The following IPO8 variants were observed in gnomAD, a reference collection of about 807,000 sequenced individuals.
IPO8 encodes importin-8.
In IPO8, 65 loss-of-function variants were observed where a neutral mutation model predicts 141.2. The ratio of observed to expected loss-of-function variants is 0.46; its 90% CI spans 0.38 to 0.57. The LOEUF (loss-of-function observed/expected upper bound fraction) is 0.57, where lower values mean the gene tolerates loss of function less well. Ranked by LOEUF, IPO8 falls within the 20% of genes least tolerant of loss-of-function variation. The pLI is 0.00. For synonymous variants in IPO8, 411 were observed against 420.3 expected (o/e 0.98, Z 0.27); for missense variants, 980 against 1,246.8 (o/e 0.79, Z 3.22).
intron 21 of IPO8, 132 bp from the exon 22 acceptor site, chr12:30,637,319 CCT>C: frequency 1.4e-6 from 1 of 698,078 alleles, no homozygotes; most frequent in Admixed American, 2.6e-5. Context: ...AGAGACATTC[CCT>C]GTTTTGTACT....
chr12:30,677,398 T>C (rs2136166653), intron 5 of IPO8, among the ~76,000 whole-genome samples: 1 of 152,334 alleles, frequency 6.6e-6, no homozygotes, highest in East Asian at 1.9e-4. Context: ...AGTATAGCAA[T>C]TTTATACAGT....
At chr12:30,669,901 T>TTTTA (rs2136157843) in intron 9 of IPO8, among the ~76,000 whole-genome samples, 1 of 152,326 alleles carries the variant, frequency 6.6e-6, no homozygotes, top group African/African-American at 2.4e-5. Context: ...TATTAAGCCC[T>TTTTA]TTTAGGCTCT....
Position 30,659,859 on chromosome 12 carries a change from C to CAA in IPO8, c.1881+1280_1881+1281dup, listed in dbSNP as rs71049460. On this transcript the variant is annotated intron_variant, in intron 16 of 24. Transcript: ENST00000256079. ...GACTGAGTGAGATTCTGTCTCAAAA[C>CAA]AAAAAAAAAAAAAACCCACAAAATC... is the stretch of plus-strand genomic sequence containing the variant. 6.5e-3 allele frequency among the ~76,000 whole-genome samples: 612 copies of CAA among 93,988 alleles called. 6 individuals are homozygous for CAA. The highest frequency in any genetic ancestry group is 0.021 in the African/African-American group (476 of 22,524). 61.7% of individuals were successfully genotyped at this position (93,988 alleles called of 152,430 possible). A position where few individuals can be genotyped will look rare whatever the true frequency, so the allele number is the denominator to read the frequency against.
intron 16 of IPO8, among the ~76,000 whole-genome samples, 185 bp downstream of exon 16, chr12:30,660,952 TATGA>T (rs2052877497): frequency 1.1e-4 from 4 of 37,532 alleles, no homozygotes; most frequent in Non-Finnish European, 2.3e-4. Flanking sequence ...TTACAAATAT[TATGA>T]TGTAATATTA....
At chr12:30,680,726 T>G in intron 4 of IPO8, 88 bp from the exon 5 acceptor site, 2 of 1,062,722 alleles carry the variant, frequency 1.9e-6, no homozygotes, top group East Asian at 2.7e-5. Context: ...TTTAAATACA[T>G]AAAACTAACA....
intron 10 of IPO8, among the ~76,000 whole-genome samples, 191 bp downstream of exon 10, chr12:30,668,992 C>G (rs1165995884): frequency 6.6e-6 from 1 of 152,210 alleles, no homozygotes; most frequent in Non-Finnish European, 1.5e-5. Flanking sequence ...GGCTTTTCAT[C>G]TCCCACATCC....
chr12:30,684,346 C>T lies in IPO8; in HGVS notation c.278G>A (p.Arg93His). 3.7e-6 allele frequency: 6 copies of T among 1,614,106 alleles called. No homozygotes were observed. The highest frequency in any genetic ancestry group is 5.1e-6 in the Non-Finnish European group (6 of 1,179,992). The change falls in exon 3 of 25, where the codon CGT (arginine) becomes CAT (histidine). Residue 93 changes from arginine to histidine, a missense_variant. Coordinates refer to ENST00000256079, the MANE Select transcript of IPO8 (RefSeq NM_006390.4). The part of the protein sequence containing the change: ...NIHENDRQQI[R>H]DNIVEGIIRS... ...AATTATTCCTTCCACAATGTTATCA[C>T]GTATTTGCTGGCGATCGTTTTCGTG...
intron 16 of IPO8, among the ~76,000 whole-genome samples, chr12:30,660,431 T>C (rs888661040): frequency 4.6e-5 from 7 of 152,170 alleles, no homozygotes; most frequent in Admixed American, 3.9e-4. Flanking sequence ...ATTATCAAAA[T>C]GATGTGACTA....
intron 21 of IPO8, among the ~76,000 whole-genome samples, chr12:30,637,578 A>G (rs567453331): frequency 2.2e-4 from 34 of 152,340 alleles, no homozygotes; most frequent in East Asian, 7.7e-4. Context: ...AGATTGATCT[A>G]CAAGGTTTCT....
At chr12:30,637,564 CA>C (rs2052519979) in intron 21 of IPO8, among the ~76,000 whole-genome samples, 1 of 152,140 alleles carries the variant, frequency 6.6e-6, no homozygotes, top group Non-Finnish European at 1.5e-5. Context: ...ACTCTTCCAA[CA>C]TTAGATTGAT....
intron 15 of IPO8, among the ~76,000 whole-genome samples, chr12:30,662,067 C>T (rs1344489102): frequency 2.0e-5 from 3 of 152,138 alleles, no homozygotes; most frequent in Non-Finnish European, 4.4e-5. Context: ...AGGCCACAAA[C>T]CTATACAGTT....
In IPO8 at chr12:30,630,225, C is replaced by T. The variant is rs1177182858; in HGVS notation, c.*635G>A. On this transcript the variant is annotated 3_prime_UTR_variant, in exon 25 of 25. Coordinates refer to ENST00000256079, the MANE Select transcript of IPO8 (RefSeq NM_006390.4). ...GGGAGTAAGACACTTCTTTAAAAAG[C>T]CACAAAACATCTTATGAAAAACCAC... The T allele has an allele frequency of 1.3e-5, 2 of 151,972 alleles. No homozygotes were observed. Among genetic ancestry groups the T allele is most frequent in the African/African-American group, 4.8e-5 (2 of 41,372 alleles). The allele number at this position is 151,972 out of a possible 1,614,324, so 9.4% of individuals were successfully genotyped here. A position where few individuals can be genotyped will look rare whatever the true frequency, so the allele number is the denominator to read the frequency against.
intron 2 of IPO8, chr12:30,686,248 G>A (rs913037435): frequency 1.5e-4 from 23 of 152,166 alleles, no homozygotes; most frequent in African/African-American, 5.6e-4. Flanking sequence ...GACTGGCAAA[G>A]AGTACACATT....
chr12:30,648,977 A>T (rs2052686687), intron 20 of IPO8, among the ~76,000 whole-genome samples, 160 bp downstream of exon 20: 1 of 152,098 alleles, frequency 6.6e-6, no homozygotes, highest in Non-Finnish European at 1.5e-5. Flanking sequence ...CGGTTTCCAA[A>T]CTACCTGGCT....
At chr12:30,666,668 T>A (rs551159887) in intron 10 of IPO8, among the ~76,000 whole-genome samples, 14 of 152,288 alleles carry the variant, frequency 9.2e-5, no homozygotes, top group Non-Finnish European at 1.9e-4. Context: ...AAACACATTA[T>A]ACATATATAC....
intron 16 of IPO8, among the ~76,000 whole-genome samples, chr12:30,660,051 C>G (rs2136147563): frequency 6.6e-6 from 1 of 151,910 alleles, no homozygotes; most frequent in East Asian, 1.9e-4. Flanking sequence ...GGTGAAACCC[C>G]ATCTCTACTG....
chr12:30,651,405 T>C (rs1339358000), intron 19 of IPO8, among the ~76,000 whole-genome samples: 1 of 152,134 alleles, frequency 6.6e-6, no homozygotes, highest in African/African-American at 2.4e-5. Context: ...AGATTTTGGG[T>C]ACACCCCTTC....
At chr12:30,676,431 G>C in intron 6 of IPO8, 67 bp downstream of exon 6, 1 of 922,356 alleles carries the variant, frequency 1.1e-6, no homozygotes, top group Non-Finnish European at 1.7e-6. Context: ...CAGGGATAAT[G>C]CATCAGTCTA....
At chr12:30,664,022 T>C (rs192182450) in intron 13 of IPO8, among the ~76,000 whole-genome samples, 2 of 152,296 alleles carry the variant, frequency 1.3e-5, no homozygotes, top group East Asian at 3.9e-4. Context: ...GGTAAAACAT[T>C]ATTTTCCCTT....
Sources: allele counts gnomAD v4.1 joint callset (sites outside exome capture counted in the v4.1 genomes callset), GRCh38; gene constraint gnomAD v4.1.1; transcripts MANE v1.5; gene names NCBI Gene and HGNC (gene_info 2026-07-23, HGNC 2026-07-21).